The following FRMPD4 variants were observed in gnomAD, a reference collection of about 807,000 sequenced individuals.
FRMPD4 encodes FERM and PDZ domain-containing protein 4.
A neutral mutation model predicts 94.1 loss-of-function variants in FRMPD4; 22 were observed. The observed-to-expected ratio is 0.23, with a 90% CI of 0.17 to 0.33. The LOEUF is 0.33. Among genes scored for constraint, FRMPD4 ranks in the 10% least tolerant of loss-of-function variants. The pLI is 1.00. For missense variants in FRMPD4, 1,111 were observed against 1,339.9 expected (o/e 0.83, Z 2.67); for synonymous variants, 631 against 548.6 (o/e 1.15, Z -2.10).
chrX:12,340,606 C>T (rs999276020), intron 1 of FRMPD4, among the ~76,000 whole-genome samples: 2 of 111,702 alleles, frequency 1.8e-5, no homozygotes, highest in Admixed American at 9.5e-5. Context: ...CTGTCCCCTA[C>T]CTTAGTAAGG....
At chrX:12,511,003 G>GA (rs1407747301) in intron 2 of FRMPD4, among the ~76,000 whole-genome samples, 6 of 112,410 alleles carry the variant, frequency 5.3e-5, no homozygotes, top group African/African-American at 1.9e-4. Context: ...CTTCTAAGAA[G>GA]AAACAGGAAC....
chrX:12,498,918 C>A, intron 2 of FRMPD4, 122 bp downstream of exon 2: 2 of 352,546 alleles, frequency 5.7e-6, no homozygotes, highest in African/African-American at 2.6e-5. Flanking sequence ...ATTACTAAAG[C>A]AGCTGGATCT....
At chrX:11,875,518 T>C (rs1414424624) in intron 2 of FRMPD4, among the ~76,000 whole-genome samples, 2 of 111,738 alleles carry the variant, frequency 1.8e-5, no homozygotes, top group African/African-American at 6.5e-5. Context: ...AGCTCTCAAG[T>C]GGAGCTCCCC....
chrX:11,992,832 C>T (rs1014691127), intron 3 of FRMPD4, among the ~76,000 whole-genome samples: 3 of 109,915 alleles, frequency 2.7e-5, no homozygotes, highest in African/African-American at 9.9e-5. Flanking sequence ...CCTCAGTTTG[C>T]TGTCTCTTCT....
At chrX:12,205,845 C>T (rs920010889) in intron 1 of FRMPD4, among the ~76,000 whole-genome samples, 1 of 111,874 alleles carries the variant, frequency 8.9e-6, no homozygotes, top group Non-Finnish European at 1.9e-5. Context: ...CTTTGGTGTG[C>T]GCCGGCACCA....
At position 11,984,112 on chromosome X, in the gene FRMPD4, T is replaced by C. The variant is rs993465863; in HGVS notation, c.95+106094T>C. On this transcript the variant is annotated intron_variant, in intron 3 of 18. Transcript: ENST00000640291. ...ATCAAAACTCTCCCAAAATTGCCTT[T>C]GTTTGATGAGAAGAGTGAGTAGAAG... Among the ~76,000 whole-genome samples the C allele has an allele frequency of 3.6e-5, 4 of 112,556 alleles. No individual in the cohort carries two copies. In the Admixed American group the frequency reaches 3.8e-4, roughly 11 times the overall value.
chrX:12,410,124 T>C (rs2056713739), intron 1 of FRMPD4, among the ~76,000 whole-genome samples: 1 of 111,093 alleles, frequency 9.0e-6, no homozygotes, highest in Admixed American at 9.6e-5. Context: ...GTTTTATCAG[T>C]TTCTGACACT....
At chrX:12,605,700 C>T (rs760697596) in intron 2 of FRMPD4, among the ~76,000 whole-genome samples, 9 of 111,084 alleles carry the variant, frequency 8.1e-5, no homozygotes, top group African/African-American at 1.6e-4. Context: ...ACGTCAGGCA[C>T]GTTATGCCTC....
chrX:12,349,936 A>T (rs935111418), intron 1 of FRMPD4, among the ~76,000 whole-genome samples: 5 of 111,648 alleles, frequency 4.5e-5, no homozygotes, highest in Non-Finnish European at 9.4e-5. Flanking sequence ...AAACCCAAAG[A>T]TAACCAGTGG....
intron 1 of FRMPD4, among the ~76,000 whole-genome samples, chrX:12,354,315 A>G (rs754840050): frequency 8.9e-6 from 1 of 112,048 alleles, no homozygotes; most frequent in Non-Finnish European, 1.9e-5. Flanking sequence ...AGAATACCTG[A>G]GCTGGAATAC....
intron 1 of FRMPD4, among the ~76,000 whole-genome samples, chrX:12,395,127 T>C (rs1373933284): frequency 8.9e-6 from 1 of 112,113 alleles, no homozygotes; most frequent in Non-Finnish European, 1.9e-5. Context: ...ATAACAATTA[T>C]AGCCTCCAAC....
chrX:12,477,447 A>G (rs1001256675), intron 1 of FRMPD4, among the ~76,000 whole-genome samples: 1 of 112,338 alleles, frequency 8.9e-6, no homozygotes, highest in African/African-American at 3.2e-5. Flanking sequence ...TAAAACTTAA[A>G]GTATAATAAT....
intron 2 of FRMPD4, among the ~76,000 whole-genome samples, chrX:12,579,740 T>C (rs1484376266): frequency 8.9e-6 from 1 of 112,360 alleles, no homozygotes; most frequent in Non-Finnish European, 1.9e-5. Flanking sequence ...GGACAGAAAG[T>C]TGAATCCAGT....
At chrX:12,046,493 C>T (rs2054786195) in intron 3 of FRMPD4, among the ~76,000 whole-genome samples, 1 of 111,281 alleles carries the variant, frequency 9.0e-6, no homozygotes, top group South Asian at 3.8e-4. Flanking sequence ...AAGACTGCCC[C>T]CGACCCCCAG....
At chrX:11,834,476 A>G (rs1569106602) in intron 1 of FRMPD4, among the ~76,000 whole-genome samples, 1 of 111,902 alleles carries the variant, frequency 8.9e-6, no homozygotes, top group Non-Finnish European at 1.9e-5. Context: ...AAGAGTCTAA[A>G]TGATGTCTTG....
intron 1 of FRMPD4, among the ~76,000 whole-genome samples, chrX:12,163,688 G>A (rs890702303): frequency 8.9e-6 from 1 of 112,072 alleles, no homozygotes; most frequent in African/African-American, 3.2e-5. Context: ...CTCAGCATGT[G>A]CTGATTGTTG....
intron 4 of FRMPD4, among the ~76,000 whole-genome samples, chrX:12,650,138 A>G (rs2059583423): frequency 8.9e-6 from 1 of 112,664 alleles, no homozygotes; most frequent in African/African-American, 3.2e-5. Context: ...TTCTAGATCA[A>G]TGACATTGCA....
intron 3 of FRMPD4, among the ~76,000 whole-genome samples, chrX:12,066,871 G>GCTTTTTT (rs1555920311): frequency 2.2e-3 from 225 of 100,051 alleles, no homozygotes; most frequent in African/African-American, 7.9e-3. Flanking sequence ...TTTTGTTTTT[G>GCTTTTTT]TTTTTGTTTT....
intron 3 of FRMPD4, among the ~76,000 whole-genome samples, chrX:12,053,160 A>G (rs2054827843): frequency 9.2e-6 from 1 of 108,881 alleles, no homozygotes; most frequent in African/African-American, 3.4e-5. Context: ...CAACATGGTG[A>G]AACCCCTTCT....
Sources: gnomAD v4.1 joint callset for allele counts (sites outside exome capture counted in the v4.1 genomes callset) on GRCh38, gnomAD v4.1.1 for gene constraint, MANE v1.5 for transcripts, NCBI Gene and HGNC (gene_info 2026-07-23, HGNC 2026-07-21) for gene names.